PCTP: variants seen among roughly 807,000 people sequenced by gnomAD.
The protein encoded by PCTP is START domain-containing protein 2.
PCTP carries 27 observed loss-of-function variants against 31.0 expected under a neutral mutation model. That is an observed-to-expected ratio of 0.87 (90% CI 0.64 to 1.20). The LOEUF (loss-of-function observed/expected upper bound fraction) is 1.20, where lower values mean the gene tolerates loss of function less well. PCTP is among the 50% of genes most tolerant of loss of function. PCTP has a pLI of 0.00. For synonymous variants in PCTP, 108 were observed against 101.2 expected (o/e 1.07, Z -0.40); for missense variants, 287 against 268.2 (o/e 1.07, Z -0.49).
In PCTP at chr17:55,777,122, G is replaced by T. The variant is rs1441408189; in HGVS notation, c.*1022G>T. On this transcript the variant is annotated 3_prime_UTR_variant, in exon 6 of 6. Transcript: ENST00000268896. ...TGTCTGCCTTTTCTACCACCAAAAA[G>T]ACTTTTAGTTTTCTATGCTTTCTCC... The T allele has an allele frequency of 1.0e-6, 1 of 985,684 alleles. No homozygotes were observed. Among genetic ancestry groups the T allele is most frequent in the African/African-American group, 1.7e-5 (1 of 57,224 alleles). 61.1% of individuals were successfully genotyped at this position (985,684 alleles called of 1,614,324 possible).
At chr17:55,781,914 TG>T (rs1428877679), downstream of PCTP, among the ~76,000 whole-genome samples, 2 of 97,002 alleles carry the variant, frequency 2.1e-5, no homozygotes, top group Non-Finnish European at 4.4e-5. Flanking sequence ...AGCACCTGAT[TG>T]TGTGTGTGTG....
At chr17:55,790,839 A>G (rs1911938102) in intron 3 of PCTP, among the ~76,000 whole-genome samples, 1 of 150,272 alleles carries the variant, frequency 6.7e-6, no homozygotes, top group East Asian at 1.9e-4. Context: ...AAGGGCCCGC[A>G]TCACCAAGTC....
intron 5 of PCTP, among the ~76,000 whole-genome samples, chr17:55,836,746 G>T (rs1346224361): frequency 2.0e-5 from 3 of 152,130 alleles, no homozygotes; most frequent in Admixed American, 6.5e-5. Flanking sequence ...ATTGTCTTCT[G>T]CCATGAAATT....
At chr17:55,842,572 G>A (rs1226984626) in intron 5 of PCTP, 1 of 152,182 alleles carries the variant, frequency 6.6e-6, no homozygotes, top group Admixed American at 6.5e-5. Context: ...TGACAGGTTG[G>A]CATCAGCTTG....
chr17:55,820,892 G>A (rs1024920264), intron 3 of PCTP, among the ~76,000 whole-genome samples: 2 of 152,210 alleles, frequency 1.3e-5, no homozygotes, highest in Non-Finnish European at 2.9e-5. Flanking sequence ...TGTTGGCAAG[G>A]ATATGAAGAA....
chr17:55,794,328 A>G (rs944110867), intron 3 of PCTP, among the ~76,000 whole-genome samples: 1 of 151,894 alleles, frequency 6.6e-6, no homozygotes, highest in African/African-American at 2.4e-5. Flanking sequence ...AGTCAGTATA[A>G]CTTGGACAAC....
chr17:55,751,595 T>A, intron 1 of PCTP: 1 of 958,192 alleles, frequency 1.0e-6, no homozygotes, highest in Non-Finnish European at 1.4e-6. Flanking sequence ...CCAATGCGTG[T>A]CAGTGGCATA....
At chr17:55,840,088 T>G (rs1905925241) in intron 5 of PCTP, among the ~76,000 whole-genome samples, 1 of 152,160 alleles carries the variant, frequency 6.6e-6, no homozygotes, top group African/African-American at 2.4e-5. Flanking sequence ...CAGTCACCGT[T>G]GCCCAAAGTG....
chr17:55,767,747 G>C (rs904171349), intron 2 of PCTP, among the ~76,000 whole-genome samples: 8 of 146,348 alleles, frequency 5.5e-5, no homozygotes, highest in African/African-American at 2.0e-4. Flanking sequence ...TTACAGGCAT[G>C]AGCCGCTGCA....
intron 3 of PCTP, among the ~76,000 whole-genome samples, chr17:55,800,466 C>T (rs1484015284): frequency 6.6e-6 from 1 of 151,910 alleles, no homozygotes; most frequent in Non-Finnish European, 1.5e-5. Context: ...TTCTAGTTAG[C>T]AATTCCTCTA....
chr17:55,798,934 G>A (rs920798515), intron 3 of PCTP, among the ~76,000 whole-genome samples: 2 of 151,072 alleles, frequency 1.3e-5, no homozygotes, highest in Non-Finnish European at 1.5e-5. Flanking sequence ...AGACAGCAAG[G>A]GTAAATATTT....
chr17:55,751,351 C>G lies in PCTP; in HGVS notation c.141+107C>G. The G allele has an allele frequency of 2.6e-6, 4 of 1,525,830 alleles. No homozygotes were observed. In the South Asian group the frequency reaches 4.8e-5, roughly 18 times the overall value. The allele number at this position is 1,525,830 out of a possible 1,614,324, so 94.5% of individuals were successfully genotyped here. A position where few individuals can be genotyped will look rare whatever the true frequency, so the allele number is the denominator to read the frequency against. ...CGCGGAAGGGACAGGGGCGCGTCTTCTCCGGCTCAGGAAGGAGCTCCGCCC... is the reference window on the plus strand; with the variant it reads ...CGCGGAAGGGACAGGGGCGCGTCTTGTCCGGCTCAGGAAGGAGCTCCGCCC... On this transcript the variant is annotated intron_variant, in intron 1 of 5. Transcript: ENST00000268896.
intron 1 of PCTP, among the ~76,000 whole-genome samples, chr17:55,753,540 C>T (rs1274958528): frequency 6.6e-6 from 1 of 152,190 alleles, no homozygotes; most frequent in East Asian, 1.9e-4. Context: ...GTTGGTTTCT[C>T]AAGATTCCAG....
chr17:55,771,143 C>A lies in PCTP; in HGVS notation c.297C>A (p.Val99=). The change falls in exon 3 of 6, where the codon GTC becomes GTA. Residue 99 remains valine (V), a synonymous_variant. Coordinates refer to ENST00000268896, the MANE Select transcript of PCTP (RefSeq NM_021213.4). ...AAGAATGCAACGGAGAGACTGTGGTCTACTGGGAAGTGAAGTACCCTTTTC... is the reference window on the plus strand; with the variant it reads ...AAGAATGCAACGGAGAGACTGTGGTATACTGGGAAGTGAAGTACCCTTTTC... ...YEQECNGETV[V]YWEVKYPFPM... The A allele has an allele frequency of 6.2e-7, 1 of 1,613,512 alleles. No individual in the cohort carries two copies. Among genetic ancestry groups the A allele is most frequent in the Non-Finnish European group, 8.5e-7 (1 of 1,179,450 alleles).
intron 3 of PCTP, among the ~76,000 whole-genome samples, chr17:55,813,049 T>C (rs1419280657): frequency 6.6e-6 from 1 of 152,092 alleles, no homozygotes; most frequent in African/African-American, 2.4e-5. Flanking sequence ...TCCTCACTTC[T>C]TGGTACCAAA....
downstream of PCTP, chr17:55,777,510 T>A: frequency 1.1e-5 from 6 of 530,586 alleles, no homozygotes; most frequent in Non-Finnish European, 1.4e-5. Flanking sequence ...CTTACTTATA[T>A]GCATGATCAG....
At chr17:55,833,268 C>T (rs1254494481) in intron 5 of PCTP, among the ~76,000 whole-genome samples, 1 of 152,162 alleles carries the variant, frequency 6.6e-6, no homozygotes, top group Non-Finnish European at 1.5e-5. Context: ...AGTATAGATA[C>T]AGAAGCAAAG....
chr17:55,845,188 G>A (rs983908877), downstream of PCTP, among the ~76,000 whole-genome samples: 3 of 151,442 alleles, frequency 2.0e-5, no homozygotes, highest in Non-Finnish European at 2.9e-5. Context: ...CTTGGAGCAG[G>A]ATCTTAGAGG....
At chr17:55,824,506 A>G (rs74440797), downstream of PCTP, among the ~76,000 whole-genome samples, 5,746 of 152,298 alleles carry the variant, frequency 0.038, 346 homozygotes, top group African/African-American at 0.12. Flanking sequence ...TGATAATACT[A>G]TAGGCAACAA....
Sources: gnomAD v4.1 joint callset for allele counts (sites outside exome capture counted in the v4.1 genomes callset) on GRCh38, gnomAD v4.1.1 for gene constraint, MANE v1.5 for transcripts, NCBI Gene and HGNC (gene_info 2026-07-23, HGNC 2026-07-21) for gene names.